The following PTPRS variants were observed in gnomAD, a reference collection of about 807,000 sequenced individuals.
The protein encoded by PTPRS is protein tyrosine phosphatase receptor type S.
Under a neutral mutation model 215.3 loss-of-function variants are expected in PTPRS, and 63 were observed. The ratio of observed to expected loss-of-function variants is 0.29; its 90% CI spans 0.24 to 0.36. The LOEUF (loss-of-function observed/expected upper bound fraction) is 0.36. Among genes scored for constraint, PTPRS ranks in the 10% least tolerant of loss-of-function variants. The pLI, the probability that PTPRS is intolerant of heterozygous loss-of-function variation, is 1.00. For synonymous variants in PTPRS, 1,404 were observed against 1,191.4 expected (o/e 1.18, Z -3.68); for missense variants, 2,258 against 2,825.8 (o/e 0.80, Z 4.56).
chr19:5,229,542 G>T lies in PTPRS; in HGVS notation c.2298C>A (p.Ala766=). ...YQVHYVRMEG[A]EARGPPRIKD... ...TGATGCGCGGCGGCCCGCGGGCCTC[G>T]GCGCCCTCCATGCGCACGTAGTGGA... The change falls in exon 15 of 38, where the codon GCC becomes GCA. Residue 766 remains alanine (A), a synonymous_variant. Transcript: ENST00000262963. 6.8e-7 allele frequency: 1 copy of T among 1,464,556 alleles called. No homozygotes were observed. The highest frequency in any genetic ancestry group is 9.0e-7 in the Non-Finnish European group (1 of 1,110,408). The allele number at this position is 1,464,556 out of a possible 1,614,324, so 90.7% of individuals were successfully genotyped here.
In PTPRS at chr19:5,257,644, G is replaced by C. The variant is rs888527175; in HGVS notation, c.706+373C>G. ...CACGACACACCACAGAAGCCAACTC[G>C]GGTGGGCAGGCAGGTGGGGTGGGGC... is the stretch of plus-strand genomic sequence containing the variant. On this transcript the variant is annotated intron_variant, in intron 8 of 37. Transcript: ENST00000262963. This position sits in a 1 kb window ranked among gnomAD's most constrained non-coding sequence, Gnocchi z 4.4. Among the ~76,000 whole-genome samples, 1 of 152,154 alleles carries C rather than the reference G, an allele frequency of 6.6e-6. No homozygotes were observed. Among genetic ancestry groups the C allele is most frequent in the Non-Finnish European group, 1.5e-5 (1 of 68,016 alleles).
intron 2 of PTPRS, among the ~76,000 whole-genome samples, chr19:5,280,232 G>C (rs2047730995): frequency 6.6e-6 from 1 of 152,168 alleles, no homozygotes; most frequent in South Asian, 2.1e-4. Flanking sequence ...AGCCCAGAGA[G>C]GCCTTAAGAA....
At position 5,212,422 on chromosome 19, in the gene PTPRS, C is replaced by T. The variant is rs778163463; in HGVS notation, c.4684G>A (p.Glu1562Lys). The T allele has an allele frequency of 1.7e-5, 28 of 1,602,592 alleles. No homozygotes were observed. Among genetic ancestry groups the T allele is most frequent in the Non-Finnish European group, 2.2e-5 (26 of 1,174,636 alleles). The change falls in exon 31 of 38, where the codon GAA becomes AAA. Residue 1562 changes from glutamate (E) to lysine (K), a missense_variant. Transcript: ENST00000262963. ...AAAGCCAGGAAGGGCGTTGGGTATT[C>T]GGGCACGCCATGGTCCGGCCACGCC... The part of the protein sequence containing the change: ...FTAWPDHGVP[E>K]YPTPFLAFLR...
intron 9 of PTPRS, 85 bp downstream of exon 9, chr19:5,256,023 C>T: frequency 8.2e-7 from 1 of 1,220,720 alleles, no homozygotes; most frequent in Non-Finnish European, 1.2e-6. Flanking sequence ...CGTGTGGTGT[C>T]TACATGTGTT....
At chr19:5,317,302 T>C (rs2049903568) in intron 1 of PTPRS, among the ~76,000 whole-genome samples, 1 of 151,994 alleles carries the variant, frequency 6.6e-6, no homozygotes, top group Non-Finnish European at 1.5e-5. Context: ...GGAAACCCCA[T>C]CTCTAGTAAA....
chr19:5,304,983 AC>A (rs969027601), intron 1 of PTPRS, among the ~76,000 whole-genome samples: 5 of 149,952 alleles, frequency 3.3e-5, no homozygotes, highest in African/African-American at 4.9e-5. Context: ...ACTTCCCACT[AC>A]CCCCCCAGAG....
At chr19:5,327,252 G>A (rs972011068) in intron 1 of PTPRS, among the ~76,000 whole-genome samples, 2 of 152,162 alleles carry the variant, frequency 1.3e-5, no homozygotes, top group Non-Finnish European at 2.9e-5. Flanking sequence ...CAGGTCCTGC[G>A]ACCTTGCTTC....
chr19:5,262,421 T>C (rs1166538477), intron 6 of PTPRS, among the ~76,000 whole-genome samples: 1 of 152,138 alleles, frequency 6.6e-6, no homozygotes, highest in Non-Finnish European at 1.5e-5. Context: ...TATCAGTCAC[T>C]CTCACTTTAG....
chr19:5,218,056 C>T (rs938854988), intron 25 of PTPRS, among the ~76,000 whole-genome samples: 6 of 152,086 alleles, frequency 3.9e-5, no homozygotes, highest in East Asian at 1.9e-4. Context: ...CTCCCACCAC[C>T]GAGGAACATT....
chr19:5,283,571 C>T (rs1188692605), intron 2 of PTPRS, among the ~76,000 whole-genome samples: 1 of 150,384 alleles, frequency 6.6e-6, no homozygotes, highest in African/African-American at 2.4e-5. Context: ...AAGGAGACTC[C>T]GTCTCAAAAA....
intron 4 of PTPRS, among the ~76,000 whole-genome samples, chr19:5,268,981 T>C (rs2046669168): frequency 6.6e-6 from 1 of 152,054 alleles, no homozygotes; most frequent in Non-Finnish European, 1.5e-5. Flanking sequence ...TGGACGACCT[T>C]GAAAGTGGCT....
In PTPRS at chr19:5,294,840, T is replaced by C. The variant is rs2049082200; in HGVS notation, c.-94-8606A>G. The C allele has an allele frequency of 6.6e-6, 1 of 152,278 alleles. No individual in the cohort carries two copies. The highest frequency in any genetic ancestry group is 1.5e-5 in the Non-Finnish European group (1 of 68,098). The allele number at this position is 152,278 out of a possible 1,614,324, so 9.4% of individuals were successfully genotyped here. A position where few individuals can be genotyped will look rare whatever the true frequency, so the allele number is the denominator to read the frequency against. ...CACACAGGCTCCCTGCCTGCCCCTT[T>C]GACACAGAGCACACAGGAGGTGCTA... On this transcript the variant is annotated intron_variant, in intron 1 of 37. Coordinates refer to ENST00000262963, the MANE Select transcript of PTPRS (RefSeq NM_002850.4). This position sits in a 1 kb window ranked among gnomAD's most constrained non-coding sequence, Gnocchi z 5.1.
intron 1 of PTPRS, among the ~76,000 whole-genome samples, chr19:5,333,423 C>T (rs1158566575): frequency 6.6e-6 from 1 of 151,840 alleles, no homozygotes; most frequent in African/African-American, 2.4e-5. Flanking sequence ...GGGAGGATTG[C>T]TTGAGCCCAG....
intron 6 of PTPRS, among the ~76,000 whole-genome samples, chr19:5,261,884 G>A (rs1375213031): frequency 6.6e-6 from 1 of 152,214 alleles, no homozygotes; most frequent in East Asian, 1.9e-4. Flanking sequence ...TTTGCCTAAA[G>A]TTACACCCTG....
intron 11 of PTPRS, among the ~76,000 whole-genome samples, chr19:5,243,292 C>T (rs550016043): frequency 3.4e-4 from 52 of 151,638 alleles, no homozygotes; most frequent in African/African-American, 1.1e-3. Flanking sequence ...CCACCACGGC[C>T]GGCTATTTTT....
At chr19:5,233,094 G>A (rs1178923809) in intron 13 of PTPRS, among the ~76,000 whole-genome samples, 1 of 151,974 alleles carries the variant, frequency 6.6e-6, no homozygotes, top group African/African-American at 2.4e-5. Context: ...CCATGCCAAG[G>A]GGAATGGCAA....
intron 1 of PTPRS, among the ~76,000 whole-genome samples, chr19:5,301,854 C>A (rs2049314540): frequency 6.6e-6 from 1 of 152,160 alleles, no homozygotes; most frequent in Non-Finnish European, 1.5e-5. Flanking sequence ...AATCTCAGCT[C>A]ACTGCAACCT....
At chr19:5,330,298 C>T (rs1478813230) in intron 1 of PTPRS, among the ~76,000 whole-genome samples, 1 of 152,146 alleles carries the variant, frequency 6.6e-6, no homozygotes, top group Non-Finnish European at 1.5e-5. Flanking sequence ...CTCACCCTTC[C>T]TTTGTGCCTC....
At position 5,293,558 on chromosome 19, in the gene PTPRS, G is replaced by T. The variant is rs1445484008; in HGVS notation, c.-94-7324C>A. Among the ~76,000 whole-genome samples the T allele has an allele frequency of 1.3e-5, 2 of 152,206 alleles. No homozygotes were observed. On this transcript the variant is annotated intron_variant, in intron 1 of 37. Coordinates refer to ENST00000262963, the MANE Select transcript of PTPRS (RefSeq NM_002850.4). The surrounding 1 kb of genome is among the most constrained non-coding windows in gnomAD (Gnocchi z 8.4). Reference sequence around the variant, plus strand: ...CTCTACACTGCTCCTCGCTTCCCCAGCTCTGATCGTAGCCATGGCAACGCA... The same window carrying T: ...CTCTACACTGCTCCTCGCTTCCCCATCTCTGATCGTAGCCATGGCAACGCA...
Sources: allele counts gnomAD v4.1 joint callset (sites outside exome capture counted in the v4.1 genomes callset), GRCh38; gene constraint gnomAD v4.1.1; non-coding constraint Gnocchi (gnomAD v3.1); transcripts MANE v1.5; gene names NCBI Gene and HGNC (gene_info 2026-07-23, HGNC 2026-07-21).